NCKAP1: variants seen among roughly 807,000 people sequenced by gnomAD.
NCKAP1 encodes the protein nck-associated protein 1.
In NCKAP1, 21 loss-of-function variants were observed where a neutral mutation model predicts 151.2. That is an observed-to-expected ratio of 0.14 (90% CI 0.10 to 0.20). NCKAP1 has a LOEUF of 0.20. NCKAP1 is among the 10% of genes least tolerant of loss of function. The pLI is 1.00. For missense variants in NCKAP1, 933 were observed against 1,352.1 expected, an observed-to-expected ratio of 0.69 and a Z score of 4.86; for synonymous variants, 484 against 451.8, an observed-to-expected ratio of 1.07 and a Z score of -0.90.
At chr2:183,013,190 T>C (rs1409308031) in intron 2 of NCKAP1, among the ~76,000 whole-genome samples, 1 of 152,096 alleles carries the variant, frequency 6.6e-6, no homozygotes, top group African/African-American at 2.4e-5. Context: ...AATAATCTTC[T>C]TCAACTTGAC....
chr2:182,961,771 A>AG (rs1697459029), intron 18 of NCKAP1, among the ~76,000 whole-genome samples: 1 of 151,994 alleles, frequency 6.6e-6, no homozygotes, highest in Admixed American at 6.6e-5. Context: ...AAAGTTGGAA[A>AG]GAAAAAAAAA....
chr2:182,981,274 A>G lies in NCKAP1; in HGVS notation c.1311T>C (p.Phe437=). 1 of 1,613,884 alleles carries G rather than the reference A, an allele frequency of 6.2e-7. No individual in the cohort carries two copies. Among genetic ancestry groups the G allele is most frequent in the East Asian group, 2.2e-5 (1 of 44,866 alleles). The change falls in exon 13 of 31, where the codon TTT becomes TTC. Residue 437 remains phenylalanine, a synonymous_variant. Transcript: ENST00000361354. ...QRYYVQYLSG[F]DAVVLNELVQ... ...CGAGTTCATTGAGGACAACAGCATC[A>G]AAGCCAGAAAGGTACTGCACGTAAT...
chr2:183,001,453 C>A (rs889721150), intron 6 of NCKAP1, among the ~76,000 whole-genome samples: 1 of 152,030 alleles, frequency 6.6e-6, no homozygotes, highest in South Asian at 2.1e-4. Flanking sequence ...TCATAAAACC[C>A]GTCATTTTTT....
intron 24 of NCKAP1, among the ~76,000 whole-genome samples, chr2:182,935,666 A>G (rs1281724414): frequency 6.6e-6 from 1 of 151,794 alleles, no homozygotes; most frequent in Non-Finnish European, 1.5e-5. Context: ...TATTTATAAT[A>G]TAACTTTATA....
chr2:182,932,433 G>T (rs958984362), intron 26 of NCKAP1, among the ~76,000 whole-genome samples: 1 of 152,178 alleles, frequency 6.6e-6, no homozygotes, highest in Non-Finnish European at 1.5e-5. Flanking sequence ...TAGATTAGTC[G>T]TTGCCTAGGG....
chr2:182,924,847 T>C lies in NCKAP1; in HGVS notation c.*855A>G, dbSNP rs765152320. The C allele has an allele frequency of 4.7e-4, 72 of 152,298 alleles. No homozygotes were observed. Among genetic ancestry groups the C allele is most frequent in the Middle Eastern group, 6.8e-3 (2 of 294 alleles). The allele number at this position is 152,298 out of a possible 1,614,324, so 9.4% of individuals were successfully genotyped here. On this transcript the variant is annotated 3_prime_UTR_variant, in exon 31 of 31. Coordinates refer to ENST00000361354, the MANE Select transcript of NCKAP1 (RefSeq NM_013436.5). ...AGTTTAAACAAAAACTTTATTATTA[T>C]TGAACGAATATCCAAGGATCTTAAA...
At position 183,023,854 on chromosome 2, in the gene NCKAP1, C is replaced by T. The variant is rs765168378; in HGVS notation, c.171G>A (p.Val57=). The change falls in exon 2 of 31, where the codon GTG becomes GTA. Residue 57 remains valine (V), a synonymous_variant. Transcript: ENST00000361354. ...YLIDKNLESA[V]KFIVRKFPAV... ...CAGGGAATTTTCTGACTATGAATTT[C>T]ACAGCAGATTCCAGGTTTTTGTCGA... 1.2e-6 allele frequency: 2 copies of T among 1,613,454 alleles called. No homozygotes were observed. Among genetic ancestry groups the T allele is most frequent in the Non-Finnish European group, 1.7e-6 (2 of 1,179,548 alleles).
rs776915854 is a variant in NCKAP1 at position 182,982,909 on chromosome 2, C to A, written c.1120G>T (p.Ala374Ser). 1 of 1,601,304 alleles carries A rather than the reference C, an allele frequency of 6.2e-7. No individual in the cohort carries two copies. The highest frequency in any genetic ancestry group is 8.5e-7 in the Non-Finnish European group (1 of 1,174,568). The change falls in exon 12 of 31, where the codon GCA becomes TCA. Residue 374 changes from alanine (A) to serine (S), a missense_variant. Ala to Ser is a moderately conservative substitution (Grantham distance 99). Around this residue, in one of 2 missense-constraint regions of NCKAP1, gnomAD observed 607 missense variants for 795.0 expected, o/e 0.76. Coordinates refer to ENST00000361354, the MANE Select transcript of NCKAP1 (RefSeq NM_013436.5). ...ATTTCATCACGGGCAAAGGATAATG[C>A]CATAAAAACAAAAAGTGCCTGTTTA... ...LGPKALFVFM[A>S]LSFARDEIIW...
At chr2:182,959,696 C>T (rs1410861117) in intron 18 of NCKAP1, among the ~76,000 whole-genome samples, 1 of 152,168 alleles carries the variant, frequency 6.6e-6, no homozygotes, top group African/African-American at 2.4e-5. Flanking sequence ...GATGCCCTCT[C>T]TCACCACTCC....
intron 2 of NCKAP1, among the ~76,000 whole-genome samples, chr2:183,008,079 A>G (rs1698514739): frequency 6.6e-6 from 1 of 152,072 alleles, no homozygotes; most frequent in Admixed American, 6.5e-5. Context: ...CGCATGCGCC[A>G]GCACACCCAG....
chr2:183,016,833 A>G (rs1698698079), intron 2 of NCKAP1, among the ~76,000 whole-genome samples: 1 of 152,134 alleles, frequency 6.6e-6, no homozygotes, highest in Non-Finnish European at 1.5e-5. Flanking sequence ...GAGAGATTGG[A>G]TGGCATACAA....
At chr2:182,982,538 C>G (rs571216312) in intron 12 of NCKAP1, among the ~76,000 whole-genome samples, 43 of 152,242 alleles carry the variant, frequency 2.8e-4, no homozygotes, top group African/African-American at 9.9e-4. Flanking sequence ...ATGATGCTGC[C>G]GTAGTTCCCA....
At chr2:182,989,493 G>C (rs763089110) in intron 8 of NCKAP1, among the ~76,000 whole-genome samples, 2 of 152,112 alleles carry the variant, frequency 1.3e-5, no homozygotes, top group Non-Finnish European at 2.9e-5. Flanking sequence ...CCAAAGATCA[G>C]AAATTTCTAA....
intron 9 of NCKAP1, among the ~76,000 whole-genome samples, chr2:182,987,252 T>TA (rs1009981025): frequency 4.1e-5 from 6 of 146,266 alleles, no homozygotes; most frequent in African/African-American, 5.0e-5. Context: ...CAAAAACAAA[T>TA]AAAAAAAAAA....
At chr2:183,030,026 C>T (rs1272718188) in intron 1 of NCKAP1, among the ~76,000 whole-genome samples, 2 of 152,156 alleles carry the variant, frequency 1.3e-5, no homozygotes, top group African/African-American at 4.8e-5. Context: ...TTCACAACTA[C>T]TGACAGGACC....
intron 22 of NCKAP1, 126 bp from the exon 23 acceptor site, chr2:182,952,628 G>T (rs1697236823): frequency 9.2e-7 from 1 of 1,084,116 alleles, no homozygotes; most frequent in Non-Finnish European, 1.3e-6. Flanking sequence ...TCTCTAGAGT[G>T]AAAGAGAGAA....
At chr2:182,983,602 T>C (rs757581877) in intron 10 of NCKAP1, among the ~76,000 whole-genome samples, 38 of 152,236 alleles carry the variant, frequency 2.5e-4, no homozygotes, top group Non-Finnish European at 4.6e-4. Context: ...TCTTTTGTTA[T>C]TCTCCATCTA....
chr2:183,012,642 CAG>C (rs1183707758), intron 2 of NCKAP1, among the ~76,000 whole-genome samples: 1 of 144,264 alleles, frequency 6.9e-6, no homozygotes, highest in African/African-American at 2.6e-5. Context: ...TTTTTTTAGA[CAG>C]AGTCTCACTC....
chr2:182,936,619 T>A (rs975341636), intron 24 of NCKAP1, among the ~76,000 whole-genome samples: 1 of 152,212 alleles, frequency 6.6e-6, no homozygotes, highest in Non-Finnish European at 1.5e-5. Flanking sequence ...TTTAACTTTC[T>A]ACCTTCTGTG....
Sources: gnomAD v4.1 joint callset for allele counts (sites outside exome capture counted in the v4.1 genomes callset) on GRCh38, gnomAD v4.1.1 for gene constraint, gnomAD v4.1.1 regional missense constraint, MANE v1.5 for transcripts, NCBI Gene and HGNC (gene_info 2026-07-23, HGNC 2026-07-21) for gene names.